Variants in FAM153A observed in about 807,000 individuals in gnomAD.
The protein encoded by FAM153A is protein FAM153A.
In FAM153A, 12 loss-of-function variants were observed where a neutral mutation model predicts 48.1. That is an observed-to-expected ratio of 0.25 (90% CI 0.16 to 0.40). The LOEUF (loss-of-function observed/expected upper bound fraction) is 0.40. Among genes scored for constraint, FAM153A ranks in the 10% least tolerant of loss-of-function variants. The pLI is 1.00. For synonymous variants in FAM153A, 36 were observed against 118.2 expected, an observed-to-expected ratio of 0.30 and a Z score of 4.51; for missense variants, 111 against 345.8, an observed-to-expected ratio of 0.32 and a Z score of 5.38.
intron 18 of FAM153A, among the ~76,000 whole-genome samples, chr5:177,725,406 G>C (rs1219851475): frequency 6.9e-6 from 1 of 144,806 alleles, no homozygotes; most frequent in Non-Finnish European, 1.5e-5. Flanking sequence ...ACTGTTCTAT[G>C]CCTGGAGTGA....
chr5:177,738,086 CG>C (rs1561916002), intron 10 of FAM153A, among the ~76,000 whole-genome samples: 1 of 151,174 alleles, frequency 6.6e-6, no homozygotes, highest in Non-Finnish European at 1.5e-5. Flanking sequence ...CAGCCCATCA[CG>C]GGGGCAGCAG....
At chr5:177,773,129 CA>C (rs1429782119) in intron 1 of FAM153A, among the ~76,000 whole-genome samples, 1 of 6,406 alleles carries the variant, frequency 1.6e-4, no homozygotes, top group African/African-American at 4.0e-4. Flanking sequence ...CATCAAAGAC[CA>C]AAAGTAGATA....
intron 1 of FAM153A, among the ~76,000 whole-genome samples, chr5:177,759,981 CAAA>C (rs1001392081): frequency 7.1e-6 from 1 of 141,764 alleles, no homozygotes; most frequent in Non-Finnish European, 1.5e-5. Flanking sequence ...TAAAAAAAAA[CAAA>C]AAAAACTGCA....
chr5:177,782,844 G>GCCGTTAGGCGCGCGCCTGCACCGCGGGGT (rs1769818341), upstream of FAM153A: 1 of 65,788 alleles, frequency 1.5e-5, no homozygotes, highest in Non-Finnish European at 3.0e-5. Flanking sequence ...GCCTCGCAAA[G>GCCGTTAGGCGCGCGCCTGCACCGCGGGGT]CCGCCCGGCT....
chr5:177,719,440 GGAGA>G (rs1005618456), downstream of FAM153A, among the ~76,000 whole-genome samples: 2 of 150,438 alleles, frequency 1.3e-5, no homozygotes, highest in Non-Finnish European at 2.9e-5. Context: ...AAGAAAGGGA[GGAGA>G]GAGAGAGAAA....
At chr5:177,713,138 A>T (rs929140189) in exon 27 of FAM153A, 1 of 152,056 alleles carries the variant, frequency 6.6e-6, no homozygotes, top group Admixed American at 6.5e-5. Context: ...TTCACACTGA[A>T]GTCCAAATGG....
chr5:177,760,023 G>T (rs1768160054), intron 1 of FAM153A, among the ~76,000 whole-genome samples: 1 of 147,066 alleles, frequency 6.8e-6, no homozygotes, highest in African/African-American at 2.6e-5. Flanking sequence ...TTTTTTTCAG[G>T]AATTATCTAA....
At chr5:177,704,614 T>C (rs145518891), downstream of FAM153A, among the ~76,000 whole-genome samples, 5 of 147,220 alleles carry the variant, frequency 3.4e-5, no homozygotes, top group East Asian at 4.1e-4. Context: ...GGTGATTGGA[T>C]CATGGAGGCA....
At chr5:177,700,162 A>G in the FAM153A span, among the ~76,000 whole-genome samples, 1 of 151,970 alleles carries the variant, frequency 6.6e-6, no homozygotes, top group Non-Finnish European at 1.5e-5. Context: ...AATAAAAACA[A>G]TGAATAAACT....
At chr5:177,745,393 TTC>T (rs1765806367) in intron 4 of FAM153A, among the ~76,000 whole-genome samples, 1 of 29,570 alleles carries the variant, frequency 3.4e-5, no homozygotes, top group African/African-American at 1.3e-4. Flanking sequence ...ATTACTAACT[TTC>T]TGTTACAAGG....
chr5:177,730,537 G>A lies in FAM153A; in HGVS notation c.863-982C>T, dbSNP rs1214818662. On this transcript the variant is annotated intron_variant, in intron 16 of 20. Coordinates refer to ENST00000614127, the Ensembl canonical transcript of FAM153A. ...TAATGGTCACACTAAAGCCCACTGC[G>A]CAATGTACCTACTCAAACCCTGGGT... is the stretch of plus-strand genomic sequence containing the variant. 1.9e-5 allele frequency among the ~76,000 whole-genome samples: 2 copies of A among 104,350 alleles called. 1 individual carries two copies. The highest frequency in any genetic ancestry group is 4.2e-5 in the Non-Finnish European group (2 of 47,642). 68.5% of individuals were successfully genotyped at this position (104,350 alleles called of 152,430 possible).
intron 1 of FAM153A, among the ~76,000 whole-genome samples, chr5:177,768,238 C>A (rs1306177343): frequency 2.0e-5 from 3 of 147,552 alleles, no homozygotes; most frequent in Non-Finnish European, 3.0e-5. Context: ...AGATTCCATG[C>A]CCTCCCAGGA....
In FAM153A at chr5:177,732,277, C is replaced by A. The variant is rs1763954892; in HGVS notation, c.761-177G>T. Among the ~76,000 whole-genome samples, 2 of 112,124 alleles carry A rather than the reference C, an allele frequency of 1.8e-5. 1 individual carries two copies. The highest frequency in any genetic ancestry group is 2.0e-4 in the Admixed American group (2 of 10,238). The allele number at this position is 112,124 out of a possible 152,430, so 73.6% of individuals were successfully genotyped here. A position where few individuals can be genotyped will look rare whatever the true frequency, so the allele number is the denominator to read the frequency against. On this transcript the variant is annotated intron_variant, in intron 14 of 20. Coordinates refer to ENST00000614127, the Ensembl canonical transcript of FAM153A. ...GAAGGCAAATGGTGAAGGAAGGCAC[C>A]AGGAAGGTCTCAGAAGACAGAGCCT...
At chr5:177,717,474 C>T (rs544590426), downstream of FAM153A, among the ~76,000 whole-genome samples, 48 of 151,214 alleles carry the variant, frequency 3.2e-4, no homozygotes, top group South Asian at 4.2e-4. Context: ...CAAGAGGCTT[C>T]GGCAATGATG....
chr5:177,719,120 G>A (rs913712863), downstream of FAM153A, among the ~76,000 whole-genome samples: 2 of 151,170 alleles, frequency 1.3e-5, no homozygotes, highest in Admixed American at 6.6e-5. Context: ...CTGGACTCAA[G>A]CATTCCACCC....
the FAM153A span, among the ~76,000 whole-genome samples, chr5:177,700,321 G>A: frequency 6.6e-6 from 1 of 151,874 alleles, no homozygotes; most frequent in Non-Finnish European, 1.5e-5. Context: ...TATTAATATT[G>A]TATTGGAATT....
chr5:177,707,174 A>C (rs1229386592), downstream of FAM153A, among the ~76,000 whole-genome samples: 1 of 151,912 alleles, frequency 6.6e-6, no homozygotes, highest in African/African-American at 2.4e-5. Flanking sequence ...CTCCAAGAGA[A>C]GTCAAAGGGA....
chr5:177,708,490 T>C (rs1291581306), downstream of FAM153A, among the ~76,000 whole-genome samples: 1 of 151,742 alleles, frequency 6.6e-6, no homozygotes, highest in Non-Finnish European at 1.5e-5. Context: ...AGTAGGAGAA[T>C]CGCTTGAACC....
At chr5:177,707,395 G>A (rs1051501390), downstream of FAM153A, among the ~76,000 whole-genome samples, 14 of 151,730 alleles carry the variant, frequency 9.2e-5, no homozygotes, top group African/African-American at 2.9e-4. Flanking sequence ...ATAAATAATG[G>A]TAATGGTCAG....
Sources: gnomAD v4.1 joint callset for allele counts (sites outside exome capture counted in the v4.1 genomes callset) on GRCh38, gnomAD v4.1.1 for gene constraint, MANE v1.5 for transcripts, NCBI Gene and HGNC (gene_info 2026-07-23, HGNC 2026-07-21) for gene names.